The following ZNF565 variants were observed in gnomAD, a reference collection of about 807,000 sequenced individuals.
ZNF565 encodes zinc finger protein 565.
ZNF565 carries 27 observed loss-of-function variants against 39.4 expected under a neutral mutation model. The observed-to-expected ratio is 0.69, with a 90% CI of 0.51 to 0.95. ZNF565 has a LOEUF of 0.95. Ranked by LOEUF, ZNF565 falls within the 40% of genes least tolerant of loss-of-function variation. The probability of loss-of-function intolerance (pLI) is 0.00; values close to 1 mark genes in which losing one functional copy is unlikely to be tolerated. For synonymous variants in ZNF565, 185 were observed against 216.6 expected (o/e 0.85, Z 1.28); for missense variants, 524 against 621.1 (o/e 0.84, Z 1.66).
chr19:36,216,622 C>T (rs1194281360), upstream of ZNF565, among the ~76,000 whole-genome samples: 1 of 151,720 alleles, frequency 6.6e-6, no homozygotes, highest in Non-Finnish European at 1.5e-5. Context: ...CTCGCCACTG[C>T]ACTCCAGCCT....
chr19:36,186,385 A>G lies in ZNF565; in HGVS notation c.233-2652T>C, dbSNP rs192979787. On this transcript the variant is annotated intron_variant, in intron 4 of 4. Transcript: ENST00000304116. ...TCTCCCATTTCTTGTACTCTGTAACACTTTTGTTGTAATTAGATTTTCATT... is the reference window on the plus strand; with the variant it reads ...TCTCCCATTTCTTGTACTCTGTAACGCTTTTGTTGTAATTAGATTTTCATT... Among the ~76,000 whole-genome samples the G allele has an allele frequency of 4.6e-4, 70 of 152,256 alleles. No homozygotes were observed. In the East Asian group the frequency reaches 0.012, roughly 27 times the overall value.
intron 1 of ZNF565, among the ~76,000 whole-genome samples, chr19:36,240,227 T>C (rs1977775150): frequency 1.3e-5 from 2 of 152,236 alleles, no homozygotes; most frequent in African/African-American, 4.8e-5. Flanking sequence ...ACTATTTGGA[T>C]AGCATTTACA....
intron 1 of ZNF565, among the ~76,000 whole-genome samples, chr19:36,231,265 G>A (rs569685482): frequency 1.1e-4 from 16 of 151,910 alleles, no homozygotes; most frequent in East Asian, 1.9e-4. Flanking sequence ...GTTGGAGTGC[G>A]GTGGTGCCAT....
At chr19:36,187,340 T>A (rs1599912399) in intron 4 of ZNF565, among the ~76,000 whole-genome samples, 1 of 151,922 alleles carries the variant, frequency 6.6e-6, no homozygotes, top group Non-Finnish European at 1.5e-5. Context: ...ATATATTTAT[T>A]TTTATTTATT....
chr19:36,206,416 C>T (rs1056959611), intron 1 of ZNF565, among the ~76,000 whole-genome samples: 3 of 151,478 alleles, frequency 2.0e-5, no homozygotes, highest in African/African-American at 7.3e-5. Flanking sequence ...CAAGACCAGC[C>T]TGGGCAGCAA....
Position 36,182,972 on chromosome 19 carries a change from C to G in ZNF565, c.994G>C (p.Glu332Gln). ...LTVHQRIHTG[E>Q]KPYECKECGK... ...CATTCCTTACACTCGTAGGGTTTCT[C>G]ACCAGTGTGGATTCGCTGGTGTACA... The change falls in exon 5 of 5, where the codon GAG (glutamate) becomes CAG (glutamine). Residue 332 changes from glutamate (E) to glutamine (Q), a missense_variant. Transcript: ENST00000304116. The G allele has an allele frequency of 6.2e-7, 1 of 1,614,194 alleles. No homozygotes were observed.
At chr19:36,240,843 C>G (rs529553928) in intron 1 of ZNF565, among the ~76,000 whole-genome samples, 1 of 151,024 alleles carries the variant, frequency 6.6e-6, no homozygotes, top group East Asian at 2.0e-4. Context: ...GCACTCCAGC[C>G]TGGGAGACAG....
chr19:36,189,867 T>C (rs1975461644), intron 4 of ZNF565, among the ~76,000 whole-genome samples: 1 of 151,940 alleles, frequency 6.6e-6, no homozygotes, highest in East Asian at 2.0e-4. Flanking sequence ...TCTTGTTCTG[T>C]TGCCAAGGCT....
chr19:36,234,315 CTCTT>C (rs1344991110), intron 1 of ZNF565, among the ~76,000 whole-genome samples: 4 of 125,212 alleles, frequency 3.2e-5, no homozygotes, highest in Middle Eastern at 4.9e-3. Flanking sequence ...AGTCTGATCT[CTCTT>C]TCTTTTCCCC....
chr19:36,229,176 T>G (rs147519156), intron 1 of ZNF565, among the ~76,000 whole-genome samples: 3 of 152,350 alleles, frequency 2.0e-5, no homozygotes, highest in East Asian at 3.9e-4. Context: ...TTCAGGTTCC[T>G]TTTTGTTACT....
chr19:36,235,469 AT>A (rs1977612846), intron 1 of ZNF565, among the ~76,000 whole-genome samples: 1 of 152,176 alleles, frequency 6.6e-6, no homozygotes, highest in African/African-American at 2.4e-5. Flanking sequence ...AATATAGATT[AT>A]TTTCATATTG....
At chr19:36,200,983 A>G (rs1321698832) in intron 2 of ZNF565, among the ~76,000 whole-genome samples, 1 of 151,996 alleles carries the variant, frequency 6.6e-6, no homozygotes, top group Non-Finnish European at 1.5e-5. Context: ...GACGGTATTA[A>G]GTGTCTTGTG....
intron 1 of ZNF565, among the ~76,000 whole-genome samples, chr19:36,243,941 A>G (rs1977838541): frequency 6.6e-6 from 1 of 152,148 alleles, no homozygotes; most frequent in Non-Finnish European, 1.5e-5. Flanking sequence ...AACTCCAGGA[A>G]TCCACCCTCC....
chr19:36,229,080 G>T (rs1977206277), intron 1 of ZNF565, among the ~76,000 whole-genome samples: 1 of 152,222 alleles, frequency 6.6e-6, no homozygotes, highest in South Asian at 2.1e-4. Context: ...CGCCACTGTG[G>T]TGGCTGTTCT....
chr19:36,244,018 TTTC>T (rs1396385798), intron 1 of ZNF565, among the ~76,000 whole-genome samples: 2 of 152,250 alleles, frequency 1.3e-5, no homozygotes, highest in African/African-American at 4.8e-5. Context: ...TTTTTCTGTT[TTTC>T]TTCTTTTCTC....
At chr19:36,238,762 A>G (rs1977740701) in intron 1 of ZNF565, 1 of 167,096 alleles carries the variant, frequency 6.0e-6, no homozygotes, top group African/African-American at 2.4e-5. Context: ...TTAAAAGGAC[A>G]GCACAATCCA....
intron 1 of ZNF565, among the ~76,000 whole-genome samples, chr19:36,221,615 T>G (rs1247770827): frequency 6.6e-6 from 1 of 152,160 alleles, no homozygotes; most frequent in South Asian, 2.1e-4. Flanking sequence ...AAAATGAATT[T>G]GATTACTATT....
chr19:36,237,033 C>T, intron 1 of ZNF565: 1 of 1,614,178 alleles, frequency 6.2e-7, no homozygotes, highest in Non-Finnish European at 8.5e-7. Flanking sequence ...CAGCGAACAT[C>T]ACTTATTGTA....
intron 1 of ZNF565, among the ~76,000 whole-genome samples, chr19:36,221,177 G>C (rs12461077): frequency 0.17 from 25,173 of 151,556 alleles, 2,505 homozygotes; most frequent in Non-Finnish European, 0.22. Context: ...GATGTATGTA[G>C]TCAAAGAACT....
Sources: allele counts gnomAD v4.1 joint callset (sites outside exome capture counted in the v4.1 genomes callset), GRCh38; gene constraint gnomAD v4.1.1; transcripts MANE v1.5; gene names NCBI Gene and HGNC (gene_info 2026-07-23, HGNC 2026-07-21).